The following NUBPL variants were observed in gnomAD, a reference collection of about 807,000 sequenced individuals.
The protein encoded by NUBPL is iron-sulfur cluster transfer protein NUBPL.
In NUBPL, 31 loss-of-function variants were observed where a neutral mutation model predicts 45.7. The observed-to-expected ratio is 0.68, with a 90% confidence interval of 0.51 to 0.92. NUBPL has a LOEUF of 0.92. Among genes scored for constraint, NUBPL ranks in the 40% least tolerant of loss-of-function variants. NUBPL has a pLI of 0.00. For synonymous variants in NUBPL, 144 were observed against 140.9 expected, an observed-to-expected ratio of 1.02 and a Z score of -0.15; for missense variants, 401 against 398.7, an observed-to-expected ratio of 1.01 and a Z score of -0.05.
intron 6 of NUBPL, among the ~76,000 whole-genome samples, chr14:31,710,055 T>C (rs2037536479): frequency 6.6e-6 from 1 of 152,176 alleles, no homozygotes; most frequent in African/African-American, 2.4e-5. Flanking sequence ...AGGATAGTAT[T>C]GTAATTTGTA....
intron 7 of NUBPL, among the ~76,000 whole-genome samples, chr14:31,792,781 A>G (rs2039406610): frequency 6.6e-6 from 1 of 152,172 alleles, no homozygotes; most frequent in African/African-American, 2.4e-5. Context: ...GATTGTGTCT[A>G]TGTGTGTGTT....
chr14:31,830,871 A>T (rs1317362373), intron 8 of NUBPL, among the ~76,000 whole-genome samples: 1 of 151,956 alleles, frequency 6.6e-6, no homozygotes, highest in African/African-American at 2.4e-5. Context: ...GTCTTCTTCC[A>T]CTTCTTTGAA....
At chr14:31,837,256 G>A (rs1402924995) in intron 8 of NUBPL, among the ~76,000 whole-genome samples, 1 of 152,164 alleles carries the variant, frequency 6.6e-6, no homozygotes, top group African/African-American at 2.4e-5. Flanking sequence ...GGGAGTTGCA[G>A]TTTGTTTGAG....
chr14:31,787,640 C>A, intron 6 of NUBPL, 140 bp from the exon 7 acceptor site: 1 of 654,392 alleles, frequency 1.5e-6, no homozygotes. Context: ...ATCCTTAGGA[C>A]TCAGCACAGT....
At chr14:31,747,135 C>CT (rs138378744) in intron 6 of NUBPL, among the ~76,000 whole-genome samples, 23,908 of 125,892 alleles carry the variant, frequency 0.19, 4,949 homozygotes, top group African/African-American at 0.51. Context: ...CAGTCCTGGG[C>CT]TTTTCTTTTT....
At chr14:31,671,049 A>G (rs2036558938) in intron 4 of NUBPL, among the ~76,000 whole-genome samples, 1 of 152,200 alleles carries the variant, frequency 6.6e-6, no homozygotes, top group South Asian at 2.1e-4. Flanking sequence ...TTGAATCTGT[A>G]AATTGCCTTG....
intron 9 of NUBPL, among the ~76,000 whole-genome samples, chr14:31,848,524 T>C (rs573382885): frequency 6.6e-6 from 1 of 152,212 alleles, no homozygotes; most frequent in African/African-American, 2.4e-5. Flanking sequence ...AGTTTATGCA[T>C]AGTAGTTAAG....
intron 6 of NUBPL, among the ~76,000 whole-genome samples, chr14:31,684,336 A>G (rs2036904764): frequency 6.6e-6 from 1 of 152,176 alleles, no homozygotes; most frequent in Non-Finnish European, 1.5e-5. Flanking sequence ...ATTTTAACTT[A>G]TCTTCAATTA....
chr14:31,699,605 T>G (rs976881543), intron 6 of NUBPL, among the ~76,000 whole-genome samples: 1 of 151,140 alleles, frequency 6.6e-6, no homozygotes, highest in Non-Finnish European at 1.5e-5. Context: ...CTTGAAAGAT[T>G]GAAAACACTC....
At chr14:31,785,492 T>C (rs1482520535) in intron 6 of NUBPL, among the ~76,000 whole-genome samples, 1 of 152,174 alleles carries the variant, frequency 6.6e-6, no homozygotes, top group Non-Finnish European at 1.5e-5. Context: ...TAATGATAAA[T>C]GTAAATCGCT....
At chr14:31,756,874 C>A (rs2138710064) in intron 6 of NUBPL, among the ~76,000 whole-genome samples, 1 of 149,158 alleles carries the variant, frequency 6.7e-6, no homozygotes, top group Non-Finnish European at 1.5e-5. Flanking sequence ...AGATACGTCC[C>A]ATCAATACCT....
chr14:31,739,801 T>C (rs760163798), intron 6 of NUBPL, among the ~76,000 whole-genome samples: 3 of 152,214 alleles, frequency 2.0e-5, no homozygotes, highest in Non-Finnish European at 2.9e-5. Context: ...AAAAATCCTC[T>C]GTGTCCTGCC....
chr14:31,647,904 T>A (rs964883846), intron 4 of NUBPL, among the ~76,000 whole-genome samples: 1 of 152,244 alleles, frequency 6.6e-6, no homozygotes. Context: ...TGGTCACCTT[T>A]TGGAAAAGGC....
chr14:31,733,836 CGTCTT>C (rs1401393731), intron 6 of NUBPL, among the ~76,000 whole-genome samples: 1 of 152,124 alleles, frequency 6.6e-6, no homozygotes, highest in Non-Finnish European at 1.5e-5. Context: ...TGTATTTACT[CGTCTT>C]GTATTGATCT....
At chr14:31,593,513 C>CAA (rs34026301) in intron 3 of NUBPL, among the ~76,000 whole-genome samples, 2,500 of 74,410 alleles carry the variant, frequency 0.034, 122 homozygotes, top group Non-Finnish European at 0.042. Context: ...GCTTCCGTCT[C>CAA]AAAAAAAAAA....
intron 4 of NUBPL, among the ~76,000 whole-genome samples, chr14:31,661,422 A>G (rs561699826): frequency 6.6e-6 from 1 of 152,366 alleles, no homozygotes; most frequent in African/African-American, 2.4e-5. Flanking sequence ...ACATTTTTAA[A>G]AAATAAAATT....
At chr14:31,648,070 G>A (rs745426411) in intron 4 of NUBPL, among the ~76,000 whole-genome samples, 1 of 152,090 alleles carries the variant, frequency 6.6e-6, no homozygotes, top group Non-Finnish European at 1.5e-5. Context: ...ATAACAATAA[G>A]CTAAAAACTG....
rs186808829 is a variant in NUBPL, at chr14:31,742,315, C to T, written c.514-45465C>T. Among the ~76,000 whole-genome samples the T allele has an allele frequency of 4.6e-5, 7 of 151,778 alleles. No individual in the cohort carries two copies. The East Asian group carries it at 1.4e-3, about 29-fold the overall frequency. On this transcript the variant is annotated intron_variant, in intron 6 of 10. Coordinates refer to ENST00000281081, the MANE Select transcript of NUBPL (RefSeq NM_025152.3). The stretch of plus-strand genomic sequence containing the variant: ...CCCAGGTTCATGCCATTAGGACATC[C>T]ACTTCTTATCTTTGTCTTTTATATT...
intron 4 of NUBPL, among the ~76,000 whole-genome samples, chr14:31,636,518 C>A (rs1415635201): frequency 6.6e-6 from 1 of 152,010 alleles, no homozygotes; most frequent in East Asian, 1.9e-4. Flanking sequence ...ATTTTTGCAT[C>A]AATGTTCATC....
Sources: gnomAD v4.1 joint callset for allele counts (sites outside exome capture counted in the v4.1 genomes callset) on GRCh38, gnomAD v4.1.1 for gene constraint, MANE v1.5 for transcripts, NCBI Gene and HGNC (gene_info 2026-07-23, HGNC 2026-07-21) for gene names.